The following MAP2 variants were observed in gnomAD, a reference collection of about 807,000 sequenced individuals.
MAP2 encodes the protein microtubule associated protein 2.
In MAP2, 14 loss-of-function variants were observed where a neutral mutation model predicts 137.6. The ratio of observed to expected loss-of-function variants is 0.10; its 90% confidence interval spans 0.07 to 0.16. The LOEUF (loss-of-function observed/expected upper bound fraction) is 0.16. Among genes scored for constraint, MAP2 ranks in the 10% least tolerant of loss-of-function variants. The pLI is 1.00. For synonymous variants in MAP2, 786 were observed against 782.3 expected (o/e 1.00, Z -0.08); for missense variants, 2,088 against 2,191.5 (o/e 0.95, Z 0.94).
intron 3 of MAP2, among the ~76,000 whole-genome samples, chr2:209,607,245 A>G (rs2085095683): frequency 6.6e-6 from 1 of 152,178 alleles, no homozygotes; most frequent in Non-Finnish European, 1.5e-5. Context: ...TCTTTATTTC[A>G]GTACTTAAAG....
Position 209,729,906 on chromosome 2 carries a change from G to A in MAP2, c.5212G>A (p.Ala1738Thr). 1 of 1,613,970 alleles carries A rather than the reference G, an allele frequency of 6.2e-7. No homozygotes were observed. The highest frequency in any genetic ancestry group is 8.5e-7 in the Non-Finnish European group (1 of 1,179,906). The change falls in exon 15 of 16, where the codon GCT becomes ACT. Residue 1738 changes from alanine to threonine, a missense_variant. By Grantham distance (58) the Ala-to-Thr change is moderately conservative. Coordinates refer to ENST00000682079, the MANE Select transcript of MAP2 (RefSeq NM_001375505.1). ...ACTAGATTTCAAAGAAAAGGCCCAA[G>A]CTAAAGTTGGTTCTCTTGATAATGC... ...VKLDFKEKAQAKVGSLDNAHH... is the reference protein window; with the variant it reads ...VKLDFKEKAQTKVGSLDNAHH...
chr2:209,615,213 G>A (rs567421978), intron 3 of MAP2, among the ~76,000 whole-genome samples: 15 of 152,260 alleles, frequency 9.9e-5, no homozygotes, highest in African/African-American at 3.1e-4. Context: ...GTGTTCAGCC[G>A]AATGCCTCTT....
chr2:209,456,005 C>T (rs960179254), intron 1 of MAP2, among the ~76,000 whole-genome samples: 27 of 152,288 alleles, frequency 1.8e-4, no homozygotes, highest in African/African-American at 5.5e-4. Flanking sequence ...CCCAGTTTTA[C>T]TGACAACTCC....
chr2:209,716,599 C>A (rs1180964785), intron 13 of MAP2, among the ~76,000 whole-genome samples: 1 of 152,162 alleles, frequency 6.6e-6, no homozygotes, highest in Non-Finnish European at 1.5e-5. Flanking sequence ...CAAGACCATT[C>A]TTTTTCTTCC....
Position 209,486,511 on chromosome 2 carries a change from C to A in MAP2, c.-221-21081C>A, listed in dbSNP as rs372139849. On this transcript the variant is annotated intron_variant, in intron 1 of 15. Coordinates refer to ENST00000682079, the MANE Select transcript of MAP2 (RefSeq NM_001375505.1). Reference sequence around the variant, plus strand: ...TGCTGGGATTACGGGCATGAGCCGCCACACCCAGCCTAGGGAAAACTTTCT... The same window carrying A: ...TGCTGGGATTACGGGCATGAGCCGCAACACCCAGCCTAGGGAAAACTTTCT... Among the ~76,000 whole-genome samples, 56 of 152,224 alleles carry A rather than the reference C, an allele frequency of 3.7e-4. 1 individual carries two copies. The highest frequency in any genetic ancestry group is 1.3e-3 in the African/African-American group (55 of 41,542).
At chr2:209,687,595 T>C (rs1468161800) in intron 7 of MAP2, among the ~76,000 whole-genome samples, 1 of 152,130 alleles carries the variant, frequency 6.6e-6, no homozygotes, top group Non-Finnish European at 1.5e-5. Context: ...TAATTTCCCT[T>C]CATCCTGCTG....
At chr2:209,459,228 G>C (rs1331423074) in intron 1 of MAP2, among the ~76,000 whole-genome samples, 1 of 152,012 alleles carries the variant, frequency 6.6e-6, no homozygotes, top group Non-Finnish European at 1.5e-5. Flanking sequence ...AACATCTCAT[G>C]CCTCTGTTTT....
At position 209,435,973 on chromosome 2, in the gene MAP2, A is replaced by T. The variant is rs796150176; in HGVS notation, c.-222+11697A>T. Among the ~76,000 whole-genome samples, 56 of 120,934 alleles carry T rather than the reference A, an allele frequency of 4.6e-4. 2 individuals carry two copies. The highest frequency in any genetic ancestry group is 3.8e-3 in the Middle Eastern group (1 of 260). The allele number at this position is 120,934 out of a possible 152,430, so 79.3% of individuals were successfully genotyped here. A position where few individuals can be genotyped will look rare whatever the true frequency, so the allele number is the denominator to read the frequency against. On this transcript the variant is annotated intron_variant, in intron 1 of 15. Coordinates refer to ENST00000682079, the MANE Select transcript of MAP2 (RefSeq NM_001375505.1). ...TATATATACAGTATATATTATATAT[A>T]ATATATACAGTATATATTATATACT...
chr2:209,513,826 G>A (rs2062072293), intron 2 of MAP2, among the ~76,000 whole-genome samples: 1 of 151,986 alleles, frequency 6.6e-6, no homozygotes, highest in Non-Finnish European at 1.5e-5. Flanking sequence ...AATGAGGAGG[G>A]ATAGCAAGTT....
chr2:209,625,436 C>T (rs1281930486), intron 4 of MAP2, among the ~76,000 whole-genome samples: 1 of 152,150 alleles, frequency 6.6e-6, no homozygotes, highest in Non-Finnish European at 1.5e-5. Flanking sequence ...TTCTTCAGTA[C>T]CTGTTACATG....
intron 2 of MAP2, among the ~76,000 whole-genome samples, chr2:209,519,577 G>A (rs1257258908): frequency 1.3e-5 from 2 of 152,010 alleles, no homozygotes; most frequent in African/African-American, 4.8e-5. Context: ...GGGAGGCTTA[G>A]TTAGCCATCA....
At chr2:209,551,033 C>T (rs914710888) in intron 2 of MAP2, among the ~76,000 whole-genome samples, 1 of 152,056 alleles carries the variant, frequency 6.6e-6, no homozygotes, top group African/African-American at 2.4e-5. Flanking sequence ...AAAAATGATG[C>T]CAATGCTGTC....
At chr2:209,448,900 A>G (rs960441184) in intron 1 of MAP2, among the ~76,000 whole-genome samples, 1 of 152,184 alleles carries the variant, frequency 6.6e-6, no homozygotes, top group Non-Finnish European at 1.5e-5. Context: ...GGGGGCCACC[A>G]TTTAACCACC....
At chr2:209,522,327 T>C (rs890007273) in intron 2 of MAP2, among the ~76,000 whole-genome samples, 1 of 152,168 alleles carries the variant, frequency 6.6e-6, no homozygotes, top group African/African-American at 2.4e-5. Context: ...AAAACAGCAT[T>C]TTGAACTCTA....
intron 2 of MAP2, among the ~76,000 whole-genome samples, chr2:209,543,968 G>A (rs1300445641): frequency 2.0e-5 from 3 of 152,136 alleles, no homozygotes; most frequent in East Asian, 1.9e-4. Context: ...GGTGGCTCAC[G>A]CCTGTAATCC....
At chr2:209,442,872 C>T (rs1698156270) in intron 1 of MAP2, among the ~76,000 whole-genome samples, 1 of 151,552 alleles carries the variant, frequency 6.6e-6, no homozygotes, top group South Asian at 2.1e-4. Flanking sequence ...ATATATATTT[C>T]TTTCAAATTT....
intron 2 of MAP2, among the ~76,000 whole-genome samples, chr2:209,559,222 C>T (rs534390536): frequency 1.8e-4 from 28 of 152,156 alleles, no homozygotes; most frequent in Middle Eastern, 3.4e-3. Flanking sequence ...TCCCCGCCGA[C>T]GCCTCCTTCC....
At chr2:209,490,069 C>T (rs1308394289) in intron 1 of MAP2, among the ~76,000 whole-genome samples, 1 of 152,204 alleles carries the variant, frequency 6.6e-6, no homozygotes, top group Admixed American at 6.5e-5. Context: ...CCATCAGACA[C>T]AGCAGATCTC....
rs537244347 is a variant in MAP2 at position 209,478,527 on chromosome 2, G to A, written c.-221-29065G>A. 1.2e-4 allele frequency among the ~76,000 whole-genome samples: 18 copies of A among 152,248 alleles called. No homozygotes were observed. The East Asian group carries it at 1.9e-3, about 16-fold the overall frequency. On this transcript the variant is annotated intron_variant, in intron 1 of 15. Transcript: ENST00000682079. Reference sequence around the variant, plus strand: ...TTACAAAACCTCACTATAGAAGAACGTGAAACAGGAGCAGTAAGAGATAAC... The same window carrying A: ...TTACAAAACCTCACTATAGAAGAACATGAAACAGGAGCAGTAAGAGATAAC...
Sources: allele counts gnomAD v4.1 joint callset (sites outside exome capture counted in the v4.1 genomes callset), GRCh38; gene constraint gnomAD v4.1.1; transcripts MANE v1.5; gene names NCBI Gene and HGNC (gene_info 2026-07-23, HGNC 2026-07-21).